The following OPA1 variants were observed in gnomAD, a reference collection of about 807,000 sequenced individuals.
OPA1 encodes the protein dynamin-like GTPase OPA1, mitochondrial.
Under a neutral mutation model 152.9 loss-of-function variants are expected in OPA1, and 59 were observed. That is an observed-to-expected ratio of 0.39 (90% confidence interval 0.31 to 0.48). OPA1 has a LOEUF of 0.48. Among genes scored for constraint, OPA1 ranks in the 20% least tolerant of loss-of-function variants. The pLI, the probability that OPA1 is intolerant of heterozygous loss-of-function variation, is 0.96. For synonymous variants in OPA1, 400 were observed against 389.9 expected (o/e 1.03, Z -0.31); for missense variants, 1,008 against 1,216.8 (o/e 0.83, Z 2.55).
intron 27 of OPA1, among the ~76,000 whole-genome samples, chr3:193,665,507 T>TA (rs1716325608): frequency 6.6e-6 from 1 of 152,150 alleles, no homozygotes; most frequent in African/African-American, 2.4e-5. Context: ...TCACTAAATC[T>TA]TGTTTTAAAT....
intron 29 of OPA1, chr3:193,668,512 C>T (rs922249311): frequency 1.7e-5 from 27 of 1,549,734 alleles, no homozygotes; most frequent in Middle Eastern, 1.7e-4. Flanking sequence ...CCTTCCCACC[C>T]GCTAGCCTCT....
intron 29 of OPA1, among the ~76,000 whole-genome samples, chr3:193,687,144 G>A (rs1468191784): frequency 6.6e-6 from 1 of 152,136 alleles, no homozygotes; most frequent in Admixed American, 6.5e-5. Context: ...GAAAATGAGA[G>A]TAGCAGTATC....
rs1239219727 is a variant in OPA1 at position 193,692,080 on chromosome 3, C to G, written c.3001C>G (p.Gln1001Glu). ...AEDLKKVREI[Q>E]EKLDAFIEAL... ...CTCCACAGAGAAAGTTAGAGAAATT[C>G]AAGAAAAACTTGATGCTTTCATTGA... The change falls in exon 30 of 31, where the codon CAA (glutamine) becomes GAA (glutamate). Residue 1001 changes from glutamine to glutamate, a missense_variant. Coordinates refer to ENST00000361510, the MANE Select transcript of OPA1 (RefSeq NM_130837.3). The G allele has an allele frequency of 1.3e-6, 2 of 1,543,936 alleles. No homozygotes were observed. The highest frequency in any genetic ancestry group is 1.8e-6 in the Non-Finnish European group (2 of 1,128,312).
At chr3:193,665,441 T>A (rs1461389338) in intron 27 of OPA1, among the ~76,000 whole-genome samples, 3 of 152,078 alleles carry the variant, frequency 2.0e-5, no homozygotes, top group Non-Finnish European at 4.4e-5. Flanking sequence ...ATGGAAATCA[T>A]CCTGCAAAAC....
chr3:193,603,222 G>A (rs777452473), intron 1 of OPA1, among the ~76,000 whole-genome samples: 23 of 152,172 alleles, frequency 1.5e-4, no homozygotes, highest in Non-Finnish European at 1.3e-4. Context: ...GCGGCCGTCC[G>A]GGCCCTTTGT....
In OPA1 at chr3:193,655,035, TATA is replaced by T. The variant is rs1713447207; in HGVS notation, c.2178+11_2178+13del. ...CCTAATAAAGCAGTAGAGGTTAGGA[TATA>T]ATTTAATTAAATGGGTAAGAAGCAT... is the stretch of plus-strand genomic sequence containing the variant. On this transcript the variant is annotated intron_variant, in intron 22 of 30. Transcript: ENST00000361510. 6.2e-7 allele frequency: 1 copy of T among 1,611,570 alleles called. No homozygotes were observed. The highest frequency in any genetic ancestry group is 1.3e-5 in the African/African-American group (1 of 74,996).
intron 6 of OPA1, among the ~76,000 whole-genome samples, chr3:193,621,217 T>G (rs1730003562): frequency 6.6e-6 from 1 of 152,222 alleles, no homozygotes; most frequent in Non-Finnish European, 1.5e-5. Context: ...CAACTAGAAC[T>G]AAAGAAAAGA....
In OPA1 at chr3:193,659,008, A is replaced by G; in HGVS notation, c.2440+13A>G. The stretch of plus-strand genomic sequence containing the variant: ...CGTCTCAAGGATAGTAAGTGGAGAC[A>G]CGGCTTATTGAGTTCTGAGTTCACA... On this transcript the variant is annotated intron_variant, in intron 24 of 30. Coordinates refer to ENST00000361510, the MANE Select transcript of OPA1 (RefSeq NM_130837.3). The G allele has an allele frequency of 6.4e-7, 1 of 1,557,736 alleles. No homozygotes were observed. Among genetic ancestry groups the G allele is most frequent in the Non-Finnish European group, 8.9e-7 (1 of 1,128,624 alleles).
chr3:193,690,985 AG>A (rs1721595700), intron 29 of OPA1, among the ~76,000 whole-genome samples: 3 of 152,278 alleles, frequency 2.0e-5, no homozygotes, highest in African/African-American at 7.2e-5. Context: ...AGGCCAAGGC[AG>A]GAGGATCACT....
chr3:193,604,860 C>CAAAAAAAAAAAAAAA (rs55904490), intron 1 of OPA1, among the ~76,000 whole-genome samples: 1 of 104,576 alleles, frequency 9.6e-6, no homozygotes, highest in African/African-American at 3.8e-5. Flanking sequence ...AACTCCATCT[C>CAAAAAAAAAAAAAAA]AAAAAAAAAA....
intron 7 of OPA1, 56 bp from the exon 8 acceptor site, chr3:193,631,556 C>G (rs1732072061): frequency 1.5e-6 from 2 of 1,292,606 alleles, no homozygotes; most frequent in African/African-American, 1.5e-5. Context: ...ATTTAACTTG[C>G]TGTACATTCT....
At chr3:193,610,449 G>A (rs1018547451) in intron 1 of OPA1, among the ~76,000 whole-genome samples, 2 of 151,896 alleles carry the variant, frequency 1.3e-5, no homozygotes, top group Admixed American at 1.3e-4. Context: ...TGCCCCTACT[G>A]GGGGGTGCCT....
chr3:193,604,239 C>T (rs1726886295), intron 1 of OPA1, among the ~76,000 whole-genome samples: 1 of 152,138 alleles, frequency 6.6e-6, no homozygotes, highest in Non-Finnish European at 1.5e-5. Context: ...CATTCATGAA[C>T]AAACAAAGTG....
At chr3:193,656,425 C>G (rs2109154223) in intron 22 of OPA1, among the ~76,000 whole-genome samples, 1 of 152,250 alleles carries the variant, frequency 6.6e-6, no homozygotes, top group East Asian at 1.9e-4. Context: ...TTTTGTTCTT[C>G]ATTATTTTTG....
chr3:193,636,853 C>T (rs951973609), intron 9 of OPA1, among the ~76,000 whole-genome samples: 1 of 111,970 alleles, frequency 8.9e-6, no homozygotes, highest in African/African-American at 3.7e-5. Flanking sequence ...TACCTGACCA[C>T]CTTTTTTTTG....
At position 193,644,185 on chromosome 3, in the gene OPA1, C is replaced by A. The variant is rs1035808757; in HGVS notation, c.1608+80C>A. 6 of 1,450,092 alleles carry A rather than the reference C, an allele frequency of 4.1e-6. No individual in the cohort carries two copies. In the East Asian group the frequency reaches 7.1e-5, roughly 17 times the overall value. 89.8% of individuals were successfully genotyped at this position (1,450,092 alleles called of 1,614,324 possible). A position where few individuals can be genotyped will look rare whatever the true frequency, so the allele number is the denominator to read the frequency against. On this transcript the variant is annotated intron_variant, in intron 16 of 30. Coordinates refer to ENST00000361510, the MANE Select transcript of OPA1 (RefSeq NM_130837.3). ...GATAGGGATTTGTTATTTAAAAAAA[C>A]AACAACAACAACAAAAAAACACCTT...
At chr3:193,659,271 A>T (rs1433339482) in intron 24 of OPA1, among the ~76,000 whole-genome samples, 1 of 152,244 alleles carries the variant, frequency 6.6e-6, no homozygotes, top group East Asian at 1.9e-4. Context: ...TAGGAATTTT[A>T]TAAGCAATTA....
chr3:193,648,207 G>C, intron 20 of OPA1, 73 bp downstream of exon 20: 1 of 1,192,842 alleles, frequency 8.4e-7, no homozygotes. Flanking sequence ...TTTATGTTGA[G>C]AGAAAAATCT....
At chr3:193,610,729 G>A (rs188447130) in intron 1 of OPA1, among the ~76,000 whole-genome samples, 5 of 152,192 alleles carry the variant, frequency 3.3e-5, no homozygotes, top group Admixed American at 2.0e-4. Context: ...TCAAGCCTCC[G>A]CAATGGCGGG....
Sources: allele counts gnomAD v4.1 joint callset (sites outside exome capture counted in the v4.1 genomes callset), GRCh38; gene constraint gnomAD v4.1.1; transcripts MANE v1.5; gene names NCBI Gene and HGNC (gene_info 2026-07-23, HGNC 2026-07-21).